Variants in KCNIP1 observed in about 807,000 individuals in gnomAD.
The protein encoded by KCNIP1 is A-type potassium channel modulatory protein KCNIP1.
KCNIP1 carries 18 observed loss-of-function variants against 33.0 expected under a neutral mutation model. The ratio of observed to expected loss-of-function variants is 0.55; its 90% CI spans 0.38 to 0.81. The LOEUF (loss-of-function observed/expected upper bound fraction) is 0.81, where lower values mean the gene tolerates loss of function less well. Ranked by LOEUF, KCNIP1 falls within the 30% of genes least tolerant of loss-of-function variation. The probability of loss-of-function intolerance (pLI) is 0.00; values close to 1 mark genes in which losing one functional copy is unlikely to be tolerated. For synonymous variants in KCNIP1, 93 were observed against 98.3 expected (o/e 0.95, Z 0.32); for missense variants, 238 against 271.6 (o/e 0.88, Z 0.87).
intron 1 of KCNIP1, among the ~76,000 whole-genome samples, chr5:170,537,335 CAG>C (rs1229566657): frequency 6.6e-6 from 1 of 152,190 alleles, no homozygotes; most frequent in Non-Finnish European, 1.5e-5. Flanking sequence ...GCATTCAACT[CAG>C]GGTATGAATG....
rs374638091 is a variant in KCNIP1 at position 170,641,528 on chromosome 5, C to T, written c.62-77230C>T. Among the ~76,000 whole-genome samples, 275 of 152,324 alleles carry T rather than the reference C, an allele frequency of 1.8e-3. 2 individuals carry two copies. The highest frequency in any genetic ancestry group is 0.014 in the South Asian group (68 of 4,830). On this transcript the variant is annotated intron_variant, in intron 1 of 7. Transcript: ENST00000328939. Reference sequence around the variant, plus strand: ...CACTTGGCAGTTTGGGAGCAAAAGCCGCCACAGTAAGACACAATTGATTCA... The same window carrying T: ...CACTTGGCAGTTTGGGAGCAAAAGCTGCCACAGTAAGACACAATTGATTCA...
intron 1 of KCNIP1, among the ~76,000 whole-genome samples, chr5:170,488,918 C>T (rs531022257): frequency 3.3e-5 from 5 of 152,248 alleles, no homozygotes; most frequent in South Asian, 4.2e-4. Flanking sequence ...TTCCCGGTGA[C>T]GGTGCAGAGA....
chr5:170,395,509 G>A lies in KCNIP1; in HGVS notation c.88+41545G>A, dbSNP rs149383543. Among the ~76,000 whole-genome samples, 14 of 152,314 alleles carry A rather than the reference G, an allele frequency of 9.2e-5. No individual in the cohort carries two copies. In the East Asian group the frequency reaches 2.1e-3, roughly 23 times the overall value. Reference sequence around the variant, plus strand: ...TTGTGTTTAGCGGAAGGCAGAGTCCGCCTCTGCTATGGGCAGACCTGTTTT... The same window carrying A: ...TTGTGTTTAGCGGAAGGCAGAGTCCACCTCTGCTATGGGCAGACCTGTTTT... On this transcript the variant is annotated intron_variant, in intron 1 of 7. Transcript: ENST00000377360.
chr5:170,508,679 C>T (rs188432724), intron 1 of KCNIP1, among the ~76,000 whole-genome samples: 1 of 152,312 alleles, frequency 6.6e-6, no homozygotes, highest in East Asian at 1.9e-4. Context: ...CTTTGCCTGT[C>T]CCTTTAATTC....
chr5:170,412,084 A>G (rs6885208), intron 1 of KCNIP1, among the ~76,000 whole-genome samples: 35,518 of 152,154 alleles, frequency 0.23, 4,256 homozygotes, highest in Admixed American at 0.29. Context: ...GTTGGACCCA[A>G]TGAAAAGAAA....
At chr5:170,679,367 A>C (rs886855295) in intron 1 of KCNIP1, 9 of 152,382 alleles carry the variant, frequency 5.9e-5, no homozygotes, top group Admixed American at 5.9e-4. Context: ...CAGAGTGGAG[A>C]GACACAGAGC....
intron 1 of KCNIP1, among the ~76,000 whole-genome samples, chr5:170,435,772 CT>C (rs1755849329): frequency 6.6e-6 from 1 of 152,158 alleles, no homozygotes; most frequent in Non-Finnish European, 1.5e-5. Context: ...GGAAACAATG[CT>C]ATTGTTTTTC....
At position 170,366,190 on chromosome 5, in the gene KCNIP1, C is replaced by CCTTTAA. The variant is rs1211031178; in HGVS notation, c.88+12227_88+12232dup. ...TTGAGCAAGCTCTTCATGTCCAGAACCTTTAAAATCTCCTGTACACTCCTG... is the reference window on the plus strand; with the variant it reads ...TTGAGCAAGCTCTTCATGTCCAGAACCTTTAACTTTAAAATCTCCTGTACACTCCTG... On this transcript the variant is annotated intron_variant, in intron 1 of 7. Coordinates refer to the KCNIP1 transcript ENST00000377360. Among the ~76,000 whole-genome samples, 7 of 152,202 alleles carry CCTTTAA rather than the reference C, an allele frequency of 4.6e-5. 1 individual carries two copies. The highest frequency in any genetic ancestry group is 1.7e-4 in the African/African-American group (7 of 41,452).
At chr5:170,404,121 G>A (rs1161671620) in intron 1 of KCNIP1, among the ~76,000 whole-genome samples, 1 of 152,184 alleles carries the variant, frequency 6.6e-6, no homozygotes, top group Non-Finnish European at 1.5e-5. Flanking sequence ...ACACAAACAT[G>A]CCAGAGAGGT....
intron 1 of KCNIP1, among the ~76,000 whole-genome samples, chr5:170,448,806 A>G (rs1234338111): frequency 6.6e-6 from 1 of 152,136 alleles, no homozygotes; most frequent in East Asian, 1.9e-4. Context: ...ATCTTCTTTC[A>G]TCTACCCAGC....
intron 1 of KCNIP1, among the ~76,000 whole-genome samples, chr5:170,542,546 G>C (rs1388577723): frequency 6.6e-6 from 1 of 152,110 alleles, no homozygotes; most frequent in Admixed American, 6.5e-5. Flanking sequence ...TGCTATAATA[G>C]AATACCTTAG....
intron 1 of KCNIP1, among the ~76,000 whole-genome samples, chr5:170,394,380 G>T (rs1754700709): frequency 6.6e-6 from 1 of 152,128 alleles, no homozygotes; most frequent in Admixed American, 6.5e-5. Flanking sequence ...TAAAATCAGG[G>T]ACTGGAACCG....
chr5:170,688,561 A>T (rs1327869603), intron 1 of KCNIP1, among the ~76,000 whole-genome samples: 2 of 152,196 alleles, frequency 1.3e-5, no homozygotes, highest in African/African-American at 4.8e-5. Flanking sequence ...CTGACCCAAG[A>T]AGATGAACAG....
chr5:170,637,617 C>T (rs2113688526), intron 1 of KCNIP1, among the ~76,000 whole-genome samples: 1 of 152,316 alleles, frequency 6.6e-6, no homozygotes, highest in South Asian at 2.1e-4. Context: ...AGGCTGTTCC[C>T]ACTGCCTGGA....
chr5:170,530,335 G>C (rs1232658171), intron 1 of KCNIP1, among the ~76,000 whole-genome samples: 2 of 152,190 alleles, frequency 1.3e-5, no homozygotes, highest in African/African-American at 2.4e-5. Flanking sequence ...TATAATAGAG[G>C]CTTTGCGTAA....
At chr5:170,444,692 C>CTT (rs200470198) in intron 1 of KCNIP1, among the ~76,000 whole-genome samples, 1 of 136,720 alleles carries the variant, frequency 7.3e-6, no homozygotes, top group African/African-American at 2.7e-5. Flanking sequence ...TATATTTTTT[C>CTT]TTTTTTTAAA....
chr5:170,589,003 T>TC (rs1358447430), intron 1 of KCNIP1, among the ~76,000 whole-genome samples: 2 of 148,572 alleles, frequency 1.3e-5, no homozygotes, highest in African/African-American at 5.0e-5. Context: ...CTTCTTTTTT[T>TC]TTTTTTTTTT....
chr5:170,401,532 G>T (rs969646738), intron 1 of KCNIP1, among the ~76,000 whole-genome samples: 1 of 152,160 alleles, frequency 6.6e-6, no homozygotes, highest in Non-Finnish European at 1.5e-5. Flanking sequence ...GGGAAGCCAA[G>T]ACGAGAAGAT....
Position 170,721,817 on chromosome 5 carries a change from C to G in KCNIP1, c.257-16C>G, listed in dbSNP as rs1763834907. ...ATTCCTGCCCCCATCACCTGCCCTC[C>G]TTTTCTGCCTTGTAGATGCCAGCAC... is the stretch of plus-strand genomic sequence containing the variant. On this transcript the variant is annotated splice_polypyrimidine_tract_variant and intron_variant, in intron 3 of 7. Transcript: ENST00000328939. 1.9e-6 allele frequency: 3 copies of G among 1,614,056 alleles called. No individual in the cohort carries two copies. Among genetic ancestry groups the G allele is most frequent in the Non-Finnish European group, 2.5e-6 (3 of 1,180,028 alleles).
Sources: allele counts gnomAD v4.1 joint callset (sites outside exome capture counted in the v4.1 genomes callset), GRCh38; gene constraint gnomAD v4.1.1; transcripts MANE v1.5; gene names NCBI Gene and HGNC (gene_info 2026-07-23, HGNC 2026-07-21).